The following PARP11 variants were observed in gnomAD, a reference collection of about 807,000 sequenced individuals.
PARP11 encodes the protein protein mono-ADP-ribosyltransferase PARP11.
A neutral mutation model predicts 42.9 loss-of-function variants in PARP11; 31 were observed. The observed-to-expected ratio is 0.72, with a 90% CI of 0.54 to 0.98. PARP11 has a LOEUF of 0.98. Ranked by LOEUF, PARP11 falls within the 50% of genes least tolerant of loss-of-function variation. PARP11 has a pLI of 0.00. For missense variants in PARP11, 365 were observed against 413.1 expected (o/e 0.88, Z 1.01); for synonymous variants, 137 against 127.3 (o/e 1.08, Z -0.51).
At position 3,811,857 on chromosome 12, in the gene PARP11, T is replaced by G; in HGVS notation, c.*266A>C. ...CCACATTAGTTGAGACTCAGCTGAT[T>G]CCATTTTGAATGGTATCTTTCACCC... On this transcript the variant is annotated 3_prime_UTR_variant, in exon 8 of 8. Transcript: ENST00000228820. The G allele has an allele frequency of 2.5e-6, 1 of 404,654 alleles. No individual in the cohort carries two copies. 25.1% of individuals were successfully genotyped at this position (404,654 alleles called of 1,614,324 possible).
In PARP11 at chr12:3,870,381, G is replaced by C. The variant is rs116896238; in HGVS notation, c.18+2831C>G. On this transcript the variant is annotated intron_variant, in intron 1 of 7. Coordinates refer to ENST00000228820, the MANE Select transcript of PARP11 (RefSeq NM_020367.6). ...GATTCCCCACTTTTAACAAAAGTCA[G>C]CCTGCTCTGCTGAAATTAGCAAAAT... Among the ~76,000 whole-genome samples the C allele has an allele frequency of 7.3e-4, 111 of 152,324 alleles. No individual in the cohort carries two copies. The East Asian group carries it at 0.018, about 24-fold the overall frequency.
At position 3,814,162 on chromosome 12, in the gene PARP11, C is replaced by T. The variant is rs778394236; in HGVS notation, c.575G>A (p.Arg192Lys). ...TTGTTCATTAATCTGAGGCACACCT[C>T]TTTTTTTCTTGAGCTGAGCCTTTTT... ...CRKKAQLKKK[R>K]GVPQINEQML... The change falls in exon 7 of 8, where the codon AGA becomes AAA. Residue 192 changes from arginine (R) to lysine (K), a missense_variant. Arg to Lys is a conservative substitution (Grantham distance 26). Transcript: ENST00000228820. 6.2e-7 allele frequency: 1 copy of T among 1,603,852 alleles called. No homozygotes were observed. The highest frequency in any genetic ancestry group is 8.5e-7 in the Non-Finnish European group (1 of 1,173,568).
At chr12:3,839,963 A>G in intron 1 of PARP11, 1 of 1,351,030 alleles carries the variant, frequency 7.4e-7, no homozygotes, top group Non-Finnish European at 1.1e-6. Context: ...GCTGATGTGA[A>G]TGGATTTAAA....
At chr12:3,841,858 A>T (rs1947895096) in intron 1 of PARP11, 2 of 1,609,136 alleles carry the variant, frequency 1.2e-6, no homozygotes, top group African/African-American at 1.3e-5. Flanking sequence ...GTCTCTGGAA[A>T]ATCTGGATCT....
intron 7 of PARP11, among the ~76,000 whole-genome samples, chr12:3,813,133 C>A (rs1325918739): frequency 6.6e-6 from 1 of 152,142 alleles, no homozygotes; most frequent in African/African-American, 2.4e-5. Flanking sequence ...CCCTCCCTCC[C>A]GTTTCTATTT....
At chr12:3,859,304 T>A (rs141933321) in intron 1 of PARP11, among the ~76,000 whole-genome samples, 34 of 151,962 alleles carry the variant, frequency 2.2e-4, no homozygotes, top group African/African-American at 6.8e-4. Context: ...GTGGCTCACG[T>A]CTGTAATCCT....
chr12:3,873,175 G>A, intron 1 of PARP11, 37 bp downstream of exon 1: 1 of 865,960 alleles, frequency 1.2e-6, no homozygotes, highest in South Asian at 1.5e-5. Flanking sequence ...CATCAACCCC[G>A]CCCCCTGGGC....
chr12:3,852,396 T>G (rs1948113724), intron 1 of PARP11, among the ~76,000 whole-genome samples: 1 of 152,134 alleles, frequency 6.6e-6, no homozygotes, highest in Non-Finnish European at 1.5e-5. Context: ...TGAAAAAAGA[T>G]TAGACGAATG....
chr12:3,843,722 C>G (rs1947939574), intron 1 of PARP11, among the ~76,000 whole-genome samples: 1 of 152,208 alleles, frequency 6.6e-6, no homozygotes, highest in Non-Finnish European at 1.5e-5. Context: ...ACTCTGTCCT[C>G]ATTTGGAGAT....
In PARP11 at chr12:3,811,263, A is replaced by G. The variant is rs913347799; in HGVS notation, c.*860T>C. On this transcript the variant is annotated 3_prime_UTR_variant, in exon 8 of 8. Transcript: ENST00000228820. ...TGCTGCAGAGGGGAAGGTAAAAAAA[A>G]ATCTTAGAAGTGATCATTGTAGGGA... 6.6e-6 allele frequency: 1 copy of G among 152,208 alleles called. No individual in the cohort carries two copies. 9.4% of individuals were successfully genotyped at this position (152,208 alleles called of 1,614,324 possible).
chr12:3,858,502 C>G (rs1591536210), intron 1 of PARP11, among the ~76,000 whole-genome samples: 1 of 151,270 alleles, frequency 6.6e-6, no homozygotes, highest in Non-Finnish European at 1.5e-5. Context: ...CTAAAGGAAA[C>G]ATTTTTAAAA....
In PARP11 at chr12:3,840,210, A is replaced by T. The variant is rs1201982288; in HGVS notation, c.19-10192T>A. On this transcript the variant is annotated intron_variant, in intron 1 of 7. Coordinates refer to ENST00000228820, the MANE Select transcript of PARP11 (RefSeq NM_020367.6). The surrounding 1 kb of genome is among the most constrained non-coding windows in gnomAD (Gnocchi z 4.4). ...ATCACAATGGAAAATTTTTGAATGC[A>T]GACGTTCAAGGAGTTCATTCTGAGA... The T allele has an allele frequency of 2.5e-5, 40 of 1,610,966 alleles. No homozygotes were observed. The highest frequency in any genetic ancestry group is 1.6e-4 in the Middle Eastern group (1 of 6,080).
chr12:3,837,565 G>A (rs554549213), intron 1 of PARP11, among the ~76,000 whole-genome samples: 1 of 151,998 alleles, frequency 6.6e-6, no homozygotes, highest in East Asian at 1.9e-4. Flanking sequence ...CAGAAAATAA[G>A]CAACAAAATG....
rs11831681 is a variant in PARP11 at position 3,850,294 on chromosome 12, A to C, written c.19-20276T>G. Among the ~76,000 whole-genome samples the C allele has an allele frequency of 2.6e-3, 396 of 152,312 alleles. 1 individual carries two copies. The highest frequency in any genetic ancestry group is 9.1e-3 in the African/African-American group (379 of 41,558). ...CATATATAGACATAATATATATAGC[A>C]TAATTATATCAGTTCGAACACCCCT... On this transcript the variant is annotated intron_variant, in intron 1 of 7. Transcript: ENST00000228820.
At position 3,809,756 on chromosome 12, in the gene PARP11, T is replaced by C. The variant is rs561842246; in HGVS notation, c.*2367A>G. ...ATTCCTAATGTCTCTAACATTGTTT[T>C]TTGTGAACGGGTTTAGAGCCATGGT... On this transcript the variant is annotated 3_prime_UTR_variant, in exon 8 of 8. Coordinates refer to ENST00000228820, the MANE Select transcript of PARP11 (RefSeq NM_020367.6). The C allele has an allele frequency of 2.0e-5, 3 of 152,220 alleles. No homozygotes were observed. Among genetic ancestry groups the C allele is most frequent in the African/African-American group, 7.2e-5 (3 of 41,456 alleles). The allele number at this position is 152,220 out of a possible 1,614,324, so 9.4% of individuals were successfully genotyped here. A position where few individuals can be genotyped will look rare whatever the true frequency, so the allele number is the denominator to read the frequency against.
rs148362705 is a variant in PARP11 at position 3,843,070 on chromosome 12, A to G, written c.19-13052T>C. Among the ~76,000 whole-genome samples, 375 of 152,336 alleles carry G rather than the reference A, an allele frequency of 2.5e-3. 3 individuals are homozygous for G. The highest frequency in any genetic ancestry group is 0.019 in the South Asian group (93 of 4,824). On this transcript the variant is annotated intron_variant, in intron 1 of 7. Coordinates refer to ENST00000228820, the MANE Select transcript of PARP11 (RefSeq NM_020367.6). ...TCCAACCCAAAGGCCTTTCATCTCG[A>G]TATCTGTCAAACTTGAATAATGTCT...
At chr12:3,834,289 G>T (rs1947709649) in intron 1 of PARP11, among the ~76,000 whole-genome samples, 1 of 152,182 alleles carries the variant, frequency 6.6e-6, no homozygotes. Context: ...CATCTGAGAG[G>T]ACTGACTTTA....
intron 6 of PARP11, among the ~76,000 whole-genome samples, chr12:3,819,432 G>A (rs1272805815): frequency 1.3e-5 from 2 of 152,124 alleles, no homozygotes; most frequent in Admixed American, 6.5e-5. Flanking sequence ...GTTGTGTCAT[G>A]CATTGTAGGA....
In PARP11 at chr12:3,840,560, A is replaced by G; in HGVS notation, c.19-10542T>C. ...CGGACACCTTCACAGATCATAAGAA[A>G]ACCTGATCGTGAAAGAGTTGAGGAT... is the stretch of plus-strand genomic sequence containing the variant. On this transcript the variant is annotated intron_variant, in intron 1 of 7. Coordinates refer to ENST00000228820, the MANE Select transcript of PARP11 (RefSeq NM_020367.6). This position sits in a 1 kb window ranked among gnomAD's most constrained non-coding sequence, Gnocchi z 4.4. 5 of 1,569,656 alleles carry G rather than the reference A, an allele frequency of 3.2e-6. No homozygotes were observed. Among genetic ancestry groups the G allele is most frequent in the Non-Finnish European group, 4.4e-6 (5 of 1,139,658 alleles).
Sources: gnomAD v4.1 joint callset for allele counts (sites outside exome capture counted in the v4.1 genomes callset) on GRCh38, gnomAD v4.1.1 for gene constraint, Gnocchi (gnomAD v3.1) non-coding constraint, MANE v1.5 for transcripts, NCBI Gene and HGNC (gene_info 2026-07-23, HGNC 2026-07-21) for gene names.